The following AEBP2 variants were observed in gnomAD, a reference collection of about 807,000 sequenced individuals.
AEBP2 encodes zinc finger protein AEBP2.
In AEBP2, 10 loss-of-function variants were observed where a neutral mutation model predicts 50.8. The observed-to-expected ratio is 0.20, with a 90% CI of 0.12 to 0.33. The LOEUF is 0.33. AEBP2 is among the 10% of genes least tolerant of loss of function. AEBP2 has a pLI of 1.00. For missense variants in AEBP2, 570 were observed against 688.0 expected, an observed-to-expected ratio of 0.83 and a Z score of 1.92; for synonymous variants, 296 against 261.3, an observed-to-expected ratio of 1.13 and a Z score of -1.28.
intron 4 of AEBP2, among the ~76,000 whole-genome samples, chr12:19,497,594 T>G (rs1949005896): frequency 6.6e-6 from 1 of 152,120 alleles, no homozygotes; most frequent in Non-Finnish European, 1.5e-5. Context: ...TGCGTCAGCT[T>G]CTTGAGTAGC....
At position 19,486,388 on chromosome 12, in the gene AEBP2, A is replaced by G. The variant is rs77681689; in HGVS notation, c.988-7412A>G. ...GGATTGTTTCCAATCATTGGCTGCT[A>G]TTTTTTTTTGTTTTGTTTTTTGAGA... On this transcript the variant is annotated intron_variant, in intron 3 of 7. Coordinates refer to ENST00000266508, the MANE Select transcript of AEBP2 (RefSeq NM_153207.5). Among the ~76,000 whole-genome samples, 391 of 150,734 alleles carry G rather than the reference A, an allele frequency of 2.6e-3. 5 individuals carry two copies. Among genetic ancestry groups the G allele is most frequent in the Non-Finnish European group, 3.6e-3 (242 of 67,582 alleles).
At chr12:19,485,554 C>G (rs889418997) in intron 3 of AEBP2, among the ~76,000 whole-genome samples, 1 of 151,532 alleles carries the variant, frequency 6.6e-6, no homozygotes, top group Non-Finnish European at 1.5e-5. Context: ...AAAAAAAATA[C>G]AAAAATTAGC....
At chr12:19,466,462 C>CA (rs967052484) in intron 2 of AEBP2, among the ~76,000 whole-genome samples, 8 of 152,078 alleles carry the variant, frequency 5.3e-5, no homozygotes, top group African/African-American at 1.9e-4. Flanking sequence ...AAAAAAAGAA[C>CA]AAAAAACATT....
upstream of AEBP2, among the ~76,000 whole-genome samples, chr12:19,438,593 G>T (rs1318811599): frequency 1.3e-5 from 2 of 152,184 alleles, no homozygotes; most frequent in African/African-American, 2.4e-5. Context: ...ATTTGAAATA[G>T]ATTTGTTTTG....
intron 5 of AEBP2, among the ~76,000 whole-genome samples, chr12:19,501,598 C>G (rs1039345588): frequency 2.6e-4 from 39 of 151,844 alleles, no homozygotes; most frequent in African/African-American, 9.4e-4. Flanking sequence ...GATCATGGCA[C>G]TGCACTGCAG....
chr12:19,458,403 T>A (rs1410234192), intron 1 of AEBP2, among the ~76,000 whole-genome samples: 4 of 152,204 alleles, frequency 2.6e-5, no homozygotes, highest in African/African-American at 9.6e-5. Context: ...CTGTGTGGGA[T>A]GTCTTGAGTG....
chr12:19,508,530 G>C (rs989453701), intron 5 of AEBP2, among the ~76,000 whole-genome samples: 5 of 152,088 alleles, frequency 3.3e-5, no homozygotes, highest in African/African-American at 1.2e-4. Flanking sequence ...TTCTAATTTT[G>C]TTTATATGGA....
chr12:19,510,237 C>T (rs1038366317), intron 5 of AEBP2, among the ~76,000 whole-genome samples: 15 of 152,076 alleles, frequency 9.9e-5, no homozygotes, highest in African/African-American at 2.7e-4. Flanking sequence ...ATTCCACACT[C>T]GGTGAGGGAA....
At chr12:19,515,126 A>T (rs1268925302) in intron 7 of AEBP2, among the ~76,000 whole-genome samples, 5 of 151,552 alleles carry the variant, frequency 3.3e-5, no homozygotes. Context: ...AATATGTTGC[A>T]TGAGTCTGAA....
At chr12:19,459,706 G>A (rs1948338536) in intron 1 of AEBP2, among the ~76,000 whole-genome samples, 1 of 152,162 alleles carries the variant, frequency 6.6e-6, no homozygotes, top group Admixed American at 6.5e-5. Context: ...TGAAGCCTTA[G>A]AGTTGCACTT....
intron 1 of AEBP2, among the ~76,000 whole-genome samples, chr12:19,445,765 T>G (rs913690041): frequency 6.6e-6 from 1 of 152,202 alleles, no homozygotes; most frequent in Non-Finnish European, 1.5e-5. Flanking sequence ...AATATTTGAT[T>G]ACAGCATGTA....
chr12:19,500,725 T>A (rs1949055848), intron 5 of AEBP2, among the ~76,000 whole-genome samples: 1 of 152,202 alleles, frequency 6.6e-6, no homozygotes, highest in South Asian at 2.1e-4. Context: ...GTCTCTTTTG[T>A]TCCACTCATC....
At chr12:19,513,668 C>G (rs1027343166) in intron 6 of AEBP2, among the ~76,000 whole-genome samples, 1 of 152,048 alleles carries the variant, frequency 6.6e-6, no homozygotes, top group Admixed American at 6.6e-5. Flanking sequence ...GAGACTGAGG[C>G]GGGAAGATTG....
chr12:19,453,216 G>T (rs547445060), intron 1 of AEBP2, among the ~76,000 whole-genome samples: 17 of 152,084 alleles, frequency 1.1e-4, no homozygotes, highest in African/African-American at 4.1e-4. Flanking sequence ...TGATCCACCC[G>T]CCTCAGCCTC....
At chr12:19,407,515 G>A (rs1454163764) in intron 1 of AEBP2, among the ~76,000 whole-genome samples, 1 of 152,028 alleles carries the variant, frequency 6.6e-6, no homozygotes, top group Non-Finnish European at 1.5e-5. Context: ...TGTTGGCCAG[G>A]CAGGTCTTGA....
intron 3 of AEBP2, among the ~76,000 whole-genome samples, chr12:19,493,423 A>C (rs562716515): frequency 1.3e-5 from 2 of 152,230 alleles, no homozygotes; most frequent in East Asian, 3.9e-4. Context: ...AAAATTCAGG[A>C]ATCCAGTCAT....
intron 3 of AEBP2, among the ~76,000 whole-genome samples, chr12:19,476,723 C>T (rs1340113425): frequency 1.3e-5 from 2 of 152,146 alleles, no homozygotes; most frequent in African/African-American, 2.4e-5. Context: ...CATAGCCTTG[C>T]AGTATAAAAA....
chr12:19,457,571 A>T (rs1948293023), intron 1 of AEBP2: 2 of 1,484,666 alleles, frequency 1.3e-6, no homozygotes. Context: ...TGTAGTTCAG[A>T]TGGCCAGTAG....
At chr12:19,486,818 TGAG>T (rs1948816849) in intron 3 of AEBP2, among the ~76,000 whole-genome samples, 1 of 151,948 alleles carries the variant, frequency 6.6e-6, no homozygotes, top group Non-Finnish European at 1.5e-5. Context: ...CTTTTTTTTT[TGAG>T]ATAAAGTTTC....
Sources: allele counts gnomAD v4.1 joint callset (sites outside exome capture counted in the v4.1 genomes callset), GRCh38; gene constraint gnomAD v4.1.1; transcripts MANE v1.5; gene names NCBI Gene and HGNC (gene_info 2026-07-23, HGNC 2026-07-21).